The following PUM1 variants were observed in gnomAD, a reference collection of about 807,000 sequenced individuals.
The protein encoded by PUM1 is pumilio RNA binding family member 1.
Under a neutral mutation model 131.8 loss-of-function variants are expected in PUM1, and 13 were observed. The observed-to-expected ratio is 0.10, with a 90% confidence interval of 0.06 to 0.16. The LOEUF is 0.16. Ranked by LOEUF, PUM1 falls within the 10% of genes least tolerant of loss-of-function variation. The probability of loss-of-function intolerance (pLI) is 1.00; values close to 1 mark genes in which losing one functional copy is unlikely to be tolerated. For missense variants in PUM1, 961 were observed against 1,512.4 expected, an observed-to-expected ratio of 0.64 and a Z score of 6.05; for synonymous variants, 509 against 556.5, an observed-to-expected ratio of 0.91 and a Z score of 1.20.
intron 9 of PUM1, among the ~76,000 whole-genome samples, chr1:30,976,375 G>A (rs903742682): frequency 1.3e-5 from 2 of 152,158 alleles, no homozygotes; most frequent in African/African-American, 4.8e-5. Flanking sequence ...TTAAAGCAGA[G>A]AGTTAAATAT....
chr1:31,045,274 C>T (rs1570344393), intron 2 of PUM1, among the ~76,000 whole-genome samples: 1 of 152,138 alleles, frequency 6.6e-6, no homozygotes, highest in East Asian at 1.9e-4. Flanking sequence ...GCTGTGATTA[C>T]AAGCGCCCAC....
At chr1:30,952,453 C>A (rs1639973532) in intron 15 of PUM1, 90 bp from the exon 16 acceptor site, 12 of 1,586,142 alleles carry the variant, frequency 7.6e-6, no homozygotes, top group South Asian at 1.1e-5. Flanking sequence ...TGCATCCGTT[C>A]TGAAACATGT....
At chr1:31,052,106 G>A (rs1338017394) in intron 2 of PUM1, among the ~76,000 whole-genome samples, 1 of 151,758 alleles carries the variant, frequency 6.6e-6, no homozygotes. Flanking sequence ...TCCACCTCCC[G>A]GGTTCATGCC....
chr1:30,970,599 C>CG (rs1274366566), intron 10 of PUM1, among the ~76,000 whole-genome samples: 1 of 152,070 alleles, frequency 6.6e-6, no homozygotes, highest in African/African-American at 2.4e-5. Context: ...ATAGAAGAGT[C>CG]GGGGGGCTGT....
Position 30,950,272 on chromosome 1 carries a change from T to C in PUM1, c.2722-11A>G, listed in dbSNP as rs755237534. ...TTCAAGACTGCCAAACTAGACATAA[T>C]GTGTGGGTAAACACCATTACTTAAG... On this transcript the variant is annotated splice_polypyrimidine_tract_variant and intron_variant, in intron 16 of 21. Coordinates refer to ENST00000426105, the MANE Select transcript of PUM1 (RefSeq NM_001020658.2). 1.2e-6 allele frequency: 2 copies of C among 1,611,140 alleles called. No individual in the cohort carries two copies. The highest frequency in any genetic ancestry group is 1.7e-5 in the Admixed American group (1 of 59,290).
In PUM1 at chr1:30,970,138, T is replaced by C. The variant is rs141367301; in HGVS notation, c.1507-1646A>G. Among the ~76,000 whole-genome samples the C allele has an allele frequency of 2.5e-3, 381 of 152,358 alleles. 3 individuals are homozygous for C. Among genetic ancestry groups the C allele is most frequent in the Non-Finnish European group, 3.7e-3 (251 of 68,036 alleles). ...GTTCCTAACAATGTGTTTTGTCATA[T>C]TGTCAAGTGTACAGTTCTTATCAGA... On this transcript the variant is annotated intron_variant, in intron 10 of 21. Coordinates refer to ENST00000426105, the MANE Select transcript of PUM1 (RefSeq NM_001020658.2).
At chr1:31,028,738 A>G in intron 3 of PUM1, 58 bp downstream of exon 3, 17 of 1,342,078 alleles carry the variant, frequency 1.3e-5, no homozygotes, top group Non-Finnish European at 1.8e-5. Context: ...TTGATGAAAG[A>G]CAACTCCAAC....
intron 7 of PUM1, among the ~76,000 whole-genome samples, chr1:30,991,522 T>C (rs983779103): frequency 6.6e-5 from 10 of 152,322 alleles, no homozygotes; most frequent in South Asian, 2.1e-4. Flanking sequence ...TTTCCCTACA[T>C]AGAATTTCTA....
At chr1:31,039,737 C>G (rs959851493) in intron 2 of PUM1, among the ~76,000 whole-genome samples, 1 of 151,884 alleles carries the variant, frequency 6.6e-6, no homozygotes, top group East Asian at 2.0e-4. Flanking sequence ...CCCGTCTCTA[C>G]TAAAAACACA....
chr1:30,948,446 A>G (rs904998981), intron 17 of PUM1, among the ~76,000 whole-genome samples: 6 of 152,160 alleles, frequency 3.9e-5, no homozygotes, highest in Non-Finnish European at 8.8e-5. Flanking sequence ...CAGAAAAAAT[A>G]TGTGCAAAAA....
At chr1:31,048,957 G>A (rs1046374187) in intron 2 of PUM1, among the ~76,000 whole-genome samples, 32 of 152,076 alleles carry the variant, frequency 2.1e-4, no homozygotes, top group Non-Finnish European at 4.4e-4. Context: ...TGTAATCCTA[G>A]TACTTTGGGA....
At chr1:30,968,698 A>G (rs889517727) in intron 10 of PUM1, among the ~76,000 whole-genome samples, 2 of 152,222 alleles carry the variant, frequency 1.3e-5, no homozygotes, top group Non-Finnish European at 2.9e-5. Context: ...CTTTAAACAC[A>G]TTATCTCTAT....
intron 2 of PUM1, among the ~76,000 whole-genome samples, chr1:31,030,036 T>G (rs1350391186): frequency 6.6e-6 from 1 of 151,236 alleles, no homozygotes; most frequent in Non-Finnish European, 1.5e-5. Context: ...GCCAACATGG[T>G]GAAACCCTGT....
chr1:30,980,025 C>A, intron 9 of PUM1, 37 bp downstream of exon 9: 1 of 1,429,924 alleles, frequency 7.0e-7, no homozygotes, highest in Admixed American at 2.0e-5. Flanking sequence ...GACTTTTCAG[C>A]AGGTGAGAAA....
intron 14 of PUM1, 24 bp downstream of exon 14, chr1:30,964,650 T>C: frequency 6.4e-7 from 1 of 1,563,288 alleles, no homozygotes; most frequent in Non-Finnish European, 8.8e-7. Context: ...GAGTTCAAGG[T>C]GGTGTTAGAG....
intron 15 of PUM1, 57 bp from the exon 16 acceptor site, chr1:30,952,420 T>C: frequency 2.5e-6 from 4 of 1,609,540 alleles, no homozygotes; most frequent in East Asian, 2.2e-5. Context: ...TGGAGATACA[T>C]CAGTGTACCT....
chr1:30,959,877 AC>A (rs1196332727), intron 14 of PUM1, among the ~76,000 whole-genome samples: 1 of 150,888 alleles, frequency 6.6e-6, no homozygotes, highest in Admixed American at 6.6e-5. Flanking sequence ...ATTGCACTCC[AC>A]CCTGGGAGAC....
At chr1:31,053,528 A>G (rs1265487848) in intron 2 of PUM1, among the ~76,000 whole-genome samples, 3 of 145,080 alleles carry the variant, frequency 2.1e-5, no homozygotes, top group Non-Finnish European at 3.0e-5. Flanking sequence ...AATGGAGTGC[A>G]GTGGCACAAT....
At chr1:30,979,376 T>C (rs1365474336) in intron 9 of PUM1, among the ~76,000 whole-genome samples, 3 of 152,138 alleles carry the variant, frequency 2.0e-5, no homozygotes, top group South Asian at 2.1e-4. Context: ...AGGAAGGGAA[T>C]TGGGTGGTAC....
Sources: gnomAD v4.1 joint callset for allele counts (sites outside exome capture counted in the v4.1 genomes callset) on GRCh38, gnomAD v4.1.1 for gene constraint, MANE v1.5 for transcripts, NCBI Gene and HGNC (gene_info 2026-07-23, HGNC 2026-07-21) for gene names.